The following GALK2 variants were observed in gnomAD, a reference collection of about 807,000 sequenced individuals.
The protein encoded by GALK2 is N-acetylgalactosamine kinase.
GALK2 carries 36 observed loss-of-function variants against 52.4 expected under a neutral mutation model. The ratio of observed to expected loss-of-function variants is 0.69; its 90% CI spans 0.53 to 0.91. GALK2 has a LOEUF of 0.91. Ranked by LOEUF, GALK2 falls within the 40% of genes least tolerant of loss-of-function variation. The pLI is 0.00. For synonymous variants in GALK2, 176 were observed against 199.1 expected (o/e 0.88, Z 0.98); for missense variants, 579 against 559.1 (o/e 1.04, Z -0.36).
At chr15:49,159,554 C>T (rs909610596) in intron 1 of GALK2, among the ~76,000 whole-genome samples, 6 of 144,412 alleles carry the variant, frequency 4.2e-5, no homozygotes, top group Non-Finnish European at 7.5e-5. Flanking sequence ...CCAGCCTGGG[C>T]GACAGAACAA....
At chr15:49,300,076 C>T (rs2034976244) in intron 8 of GALK2, among the ~76,000 whole-genome samples, 1 of 152,000 alleles carries the variant, frequency 6.6e-6, no homozygotes, top group African/African-American at 2.4e-5. Flanking sequence ...ATCTAAGTCT[C>T]TTTGTGGGTC....
chr15:49,317,205 T>G (rs2036491649), intron 8 of GALK2, among the ~76,000 whole-genome samples: 1 of 152,182 alleles, frequency 6.6e-6, no homozygotes, highest in Non-Finnish European at 1.5e-5. Flanking sequence ...TAGCAATTTG[T>G]GTACAGCTAG....
chr15:49,329,224 T>C lies in GALK2; in HGVS notation c.*1065T>C. 2.0e-6 allele frequency: 2 copies of C among 986,390 alleles called. No individual in the cohort carries two copies. The highest frequency in any genetic ancestry group is 2.4e-6 in the Non-Finnish European group (2 of 830,616). 61.1% of individuals were successfully genotyped at this position (986,390 alleles called of 1,614,324 possible). On this transcript the variant is annotated 3_prime_UTR_variant, in exon 10 of 10. Coordinates refer to ENST00000560031, the MANE Select transcript of GALK2 (RefSeq NM_002044.4). ...ATTCTGGGATTTGTAATGGTATTGA[T>C]GGGTATCTCTGTATGTATATCAAGA...
intron 3 of GALK2, among the ~76,000 whole-genome samples, chr15:49,361,201 A>C (rs1291396441): frequency 6.6e-6 from 1 of 152,194 alleles, no homozygotes; most frequent in African/African-American, 2.4e-5. Flanking sequence ...TCAATTAAAA[A>C]ATTAATTTAA....
chr15:49,221,595 A>G (rs942316908), intron 3 of GALK2, among the ~76,000 whole-genome samples: 1 of 152,020 alleles, frequency 6.6e-6, no homozygotes, highest in African/African-American at 2.4e-5. Flanking sequence ...TGAGCCCAGG[A>G]GGTGGAGGTT....
At chr15:49,157,431 G>C (rs969539377) in intron 1 of GALK2, among the ~76,000 whole-genome samples, 1 of 152,130 alleles carries the variant, frequency 6.6e-6, no homozygotes, top group African/African-American at 2.4e-5. Context: ...ATTTTATTTT[G>C]AATTGGTTTT....
chr15:49,349,334 C>T (rs1010260941), intron 3 of GALK2, among the ~76,000 whole-genome samples: 1 of 151,954 alleles, frequency 6.6e-6, no homozygotes, highest in African/African-American at 2.4e-5. Context: ...ACTCATCCTC[C>T]CCCTCTTAAC....
chr15:49,190,182 T>C (rs199770337), intron 1 of GALK2, among the ~76,000 whole-genome samples: 2 of 152,338 alleles, frequency 1.3e-5, no homozygotes, highest in East Asian at 3.8e-4. Context: ...GTATACCCTT[T>C]CAAATTATCC....
intron 6 of GALK2, among the ~76,000 whole-genome samples, chr15:49,282,850 G>C (rs1331271061): frequency 6.6e-6 from 1 of 152,126 alleles, no homozygotes; most frequent in African/African-American, 2.4e-5. Context: ...GAGGAAATTT[G>C]TTTTAATACT....
At position 49,306,795 on chromosome 15, in the gene GALK2, G is replaced by A. The variant is rs1339376538; in HGVS notation, c.968-12809G>A. Among the ~76,000 whole-genome samples, 5 of 152,120 alleles carry A rather than the reference G, an allele frequency of 3.3e-5. No homozygotes were observed. The East Asian group carries it at 9.6e-4, about 29-fold the overall frequency. ...TTTGCAAGAATGAAGTTTTAGGGAA[G>A]TTCTGGAAAATTAATGGGAAAGTAA... On this transcript the variant is annotated intron_variant, in intron 8 of 9. Coordinates refer to ENST00000560031, the MANE Select transcript of GALK2 (RefSeq NM_002044.4).
At position 49,330,470 on chromosome 15, in the gene GALK2, G is replaced by A. The variant is rs1248340457; in HGVS notation, c.*2311G>A. 1 of 152,136 alleles carries A rather than the reference G, an allele frequency of 6.6e-6. No individual in the cohort carries two copies. Among genetic ancestry groups the A allele is most frequent in the Non-Finnish European group, 1.5e-5 (1 of 68,026 alleles). The allele number at this position is 152,136 out of a possible 1,614,324, so 9.4% of individuals were successfully genotyped here. A position where few individuals can be genotyped will look rare whatever the true frequency, so the allele number is the denominator to read the frequency against. ...TTACTCAGAATCTGGATTACTGAGT[G>A]GTGGAATATCTGATACTACTTGTCC... On this transcript the variant is annotated 3_prime_UTR_variant, in exon 10 of 10. Coordinates refer to ENST00000560031, the MANE Select transcript of GALK2 (RefSeq NM_002044.4).
intron 5 of GALK2, among the ~76,000 whole-genome samples, chr15:49,279,737 G>T (rs1165173849): frequency 6.6e-6 from 1 of 152,206 alleles, no homozygotes; most frequent in African/African-American, 2.4e-5. Context: ...TGGGCACCCA[G>T]GTTCCATCAT....
intron 1 of GALK2, among the ~76,000 whole-genome samples, chr15:49,164,780 C>CAA (rs36107125): frequency 9.2e-5 from 6 of 65,178 alleles, no homozygotes; most frequent in East Asian, 4.3e-4. Context: ...AACTCCGTCT[C>CAA]AAAAAAAAAA....
intron 1 of GALK2, among the ~76,000 whole-genome samples, chr15:49,182,266 C>T (rs1331956260): frequency 6.6e-6 from 1 of 152,188 alleles, no homozygotes; most frequent in Non-Finnish European, 1.5e-5. Flanking sequence ...CTGTGCATGA[C>T]TTGTTTCACT....
chr15:49,273,035 C>T (rs541246486), intron 5 of GALK2, among the ~76,000 whole-genome samples: 4 of 152,286 alleles, frequency 2.6e-5, no homozygotes, highest in African/African-American at 9.6e-5. Flanking sequence ...TAGCTTTCTC[C>T]AGGTTCATTA....
intron 8 of GALK2, among the ~76,000 whole-genome samples, chr15:49,293,584 A>G (rs900629344): frequency 6.6e-6 from 1 of 152,248 alleles, no homozygotes; most frequent in Non-Finnish European, 1.5e-5. Flanking sequence ...TATTTACTAT[A>G]TGGTTCTTTG....
rs1207170125 is a variant in GALK2, at chr15:49,328,592, G to A, written c.*433G>A. ...CTTAGTATTCTTCTTCCTCAAAGTT[G>A]TAGTTGTCTGTTGATGATGGTGATG... On this transcript the variant is annotated 3_prime_UTR_variant, in exon 10 of 10. Transcript: ENST00000560031. 1 of 1,596,686 alleles carries A rather than the reference G, an allele frequency of 6.3e-7. No individual in the cohort carries two copies. The highest frequency in any genetic ancestry group is 8.6e-7 in the Non-Finnish European group (1 of 1,168,714).
At chr15:49,270,037 G>C (rs1180922083) in intron 5 of GALK2, among the ~76,000 whole-genome samples, 1 of 152,146 alleles carries the variant, frequency 6.6e-6, no homozygotes, top group East Asian at 1.9e-4. Flanking sequence ...CCTCTTCTTA[G>C]AATGTACTCT....
chr15:49,219,122 C>T (rs530184788), intron 3 of GALK2, among the ~76,000 whole-genome samples: 10 of 152,268 alleles, frequency 6.6e-5, no homozygotes, highest in Middle Eastern at 3.4e-3. Flanking sequence ...CTACTGCATC[C>T]GTCCTGGTTT....
Sources: gnomAD v4.1 joint callset for allele counts (sites outside exome capture counted in the v4.1 genomes callset) on GRCh38, gnomAD v4.1.1 for gene constraint, MANE v1.5 for transcripts, NCBI Gene and HGNC (gene_info 2026-07-23, HGNC 2026-07-21) for gene names.